The following VPS53 variants were observed in gnomAD, a reference collection of about 807,000 sequenced individuals.
VPS53 encodes VPS53 subunit of GARP complex.
In VPS53, 70 loss-of-function variants were observed where a neutral mutation model predicts 107.0. The observed-to-expected ratio is 0.65, with a 90% CI of 0.54 to 0.80. VPS53 has a LOEUF of 0.80. Ranked by LOEUF, VPS53 falls within the 30% of genes least tolerant of loss-of-function variation. The pLI, the probability that VPS53 is intolerant of heterozygous loss-of-function variation, is 0.00. For synonymous variants in VPS53, 409 were observed against 393.3 expected (o/e 1.04, Z -0.47); for missense variants, 917 against 1,049.4 (o/e 0.87, Z 1.74).
At chr17:525,805 C>T (rs539339409) in intron 19 of VPS53, among the ~76,000 whole-genome samples, 1 of 151,850 alleles carries the variant, frequency 6.6e-6, no homozygotes, top group African/African-American at 2.4e-5. Context: ...TGAGACCAGC[C>T]TGGCCAACAT....
intron 19 of VPS53, among the ~76,000 whole-genome samples, chr17:525,945 C>T (rs998154527): frequency 7.3e-5 from 10 of 136,292 alleles, no homozygotes; most frequent in Admixed American, 2.6e-4. Flanking sequence ...TGCAGTGAGC[C>T]GAGATCGCGC....
intron 14 of VPS53, among the ~76,000 whole-genome samples, chr17:561,692 C>T (rs931512915): frequency 1.3e-5 from 2 of 152,182 alleles, no homozygotes; most frequent in African/African-American, 4.8e-5. Flanking sequence ...TGCAATGGCA[C>T]AATCTCGGCT....
intron 2 of VPS53, among the ~76,000 whole-genome samples, chr17:702,960 C>T (rs1438665463): frequency 6.6e-6 from 1 of 152,218 alleles, no homozygotes; most frequent in Non-Finnish European, 1.5e-5. Context: ...AATCCCAACA[C>T]TTTGGGAGGC....
In VPS53 at chr17:623,568, G is replaced by A. The variant is rs1239855738; in HGVS notation, c.1081C>T (p.Arg361Cys). ...TCGGTCAGGGTGCAGCCGGAGAAGC[G>A]TTTTGCAAGAAACCCCTCAAAGTTA... ...TTNFEGFLAK[R>C]FSGCTLTDGT... is the part of the protein sequence containing the mutation. Residue 361 changes from arginine to cysteine, a missense_variant, in exon 11 of 22, where the codon CGC becomes TGC. Transcript: ENST00000437048. The A allele has an allele frequency of 6.8e-6, 11 of 1,613,728 alleles. No homozygotes were observed. The highest frequency in any genetic ancestry group is 8.5e-6 in the Non-Finnish European group (10 of 1,179,708).
At chr17:617,809 G>C in intron 11 of VPS53, among the ~76,000 whole-genome samples, 1 of 119,506 alleles carries the variant, frequency 8.4e-6, no homozygotes. Context: ...GCGCCACCAC[G>C]CCCCACTAAT....
At chr17:566,418 A>G (rs1327096264) in intron 13 of VPS53, among the ~76,000 whole-genome samples, 2 of 152,100 alleles carry the variant, frequency 1.3e-5, no homozygotes, top group African/African-American at 4.8e-5. Flanking sequence ...CTGTTAACAC[A>G]AGCTCCCTGA....
chr17:697,565 T>C, intron 3 of VPS53, 81 bp from the exon 4 acceptor site: 1 of 1,200,494 alleles, frequency 8.3e-7, no homozygotes. Context: ...AAAAAGTAAT[T>C]TATTCATCAA....
intron 2 of VPS53, 72 bp from the exon 3 acceptor site, chr17:699,452 G>A: frequency 3.2e-5 from 40 of 1,261,040 alleles, no homozygotes; most frequent in Non-Finnish European, 4.3e-5. Context: ...GGAAAATGAT[G>A]TGCTATAATA....
intron 8 of VPS53, 66 bp downstream of exon 8, chr17:631,483 TG>T: frequency 6.7e-7 from 1 of 1,503,090 alleles, no homozygotes; most frequent in Non-Finnish European, 9.3e-7. Flanking sequence ...ACATGGTGAC[TG>T]GGGTGAGCGT....
In VPS53 at chr17:628,204, G is replaced by A. The variant is rs1326301147; in HGVS notation, c.715C>T (p.Arg239Ter). The A allele has an allele frequency of 9.3e-6, 15 of 1,613,900 alleles. No individual in the cohort carries two copies. The highest frequency in any genetic ancestry group is 1.7e-4 in the Middle Eastern group (1 of 6,060). Reference sequence around the variant, plus strand: ...ATATTAGCAACCAGACATGCATCTCGTAGAACATTGCTGGGTCCTCCTGGT... The same window carrying A: ...ATATTAGCAACCAGACATGCATCTCATAGAACATTGCTGGGTCCTCCTGGT... ...KRPGGPSNVL[R>*]DACLVANILD... Residue 239 changes from arginine to a stop codon, truncating the protein, a stop_gained, in exon 9 of 22, where the codon CGA becomes TGA. Transcript: ENST00000437048. LOFTEE classifies it high-confidence loss of function.
chr17:661,486 A>G (rs576641938), intron 5 of VPS53, among the ~76,000 whole-genome samples: 1 of 146,262 alleles, frequency 6.8e-6, no homozygotes, highest in Admixed American at 7.2e-5. Flanking sequence ...GCACCACTGC[A>G]CTCCAAGGCT....
chr17:583,920 C>T (rs1756352177), intron 13 of VPS53, among the ~76,000 whole-genome samples: 1 of 151,670 alleles, frequency 6.6e-6, no homozygotes, highest in Non-Finnish European at 1.5e-5. Context: ...CCCAGGGAAC[C>T]TCCCTCAGAA....
At chr17:591,378 T>G (rs1410541828) in intron 12 of VPS53, among the ~76,000 whole-genome samples, 4 of 152,356 alleles carry the variant, frequency 2.6e-5, no homozygotes, top group African/African-American at 9.6e-5. Context: ...CTCTATTTCC[T>G]TCAGTTCTGC....
At chr17:619,189 G>A (rs1197089113) in intron 11 of VPS53, among the ~76,000 whole-genome samples, 1 of 144,966 alleles carries the variant, frequency 6.9e-6, no homozygotes, top group Non-Finnish European at 1.5e-5. Flanking sequence ...CACGACGCCT[G>A]CTAATATTTC....
chr17:592,769 T>C (rs562346373), intron 12 of VPS53, among the ~76,000 whole-genome samples: 2 of 152,372 alleles, frequency 1.3e-5, no homozygotes, highest in Admixed American at 6.5e-5. Context: ...GTTAGTCTGA[T>C]GGGCTTCCCT....
intron 13 of VPS53, among the ~76,000 whole-genome samples, chr17:578,198 C>G (rs1181896272): frequency 6.6e-6 from 1 of 151,808 alleles, no homozygotes; most frequent in Non-Finnish European, 1.5e-5. Context: ...CCCTCAGAAT[C>G]TAATGCATTC....
intron 11 of VPS53, among the ~76,000 whole-genome samples, chr17:603,468 C>T (rs1419899555): frequency 6.6e-6 from 1 of 152,196 alleles, no homozygotes; most frequent in Admixed American, 6.5e-5. Context: ...AAGCACTACA[C>T]CTGCGTCTGG....
intron 4 of VPS53, among the ~76,000 whole-genome samples, chr17:665,295 C>T (rs1330629681): frequency 4.0e-5 from 6 of 151,812 alleles, no homozygotes; most frequent in East Asian, 3.9e-4. Context: ...AGAAGGCGCT[C>T]GCCGCGGGAC....
intron 4 of VPS53, among the ~76,000 whole-genome samples, chr17:662,460 C>T (rs185315006): frequency 5.1e-4 from 77 of 152,018 alleles, no homozygotes; most frequent in South Asian, 8.3e-4. Flanking sequence ...GAGGCCAAGG[C>T]GGGCAGATCA....
Sources: gnomAD v4.1 joint callset for allele counts (sites outside exome capture counted in the v4.1 genomes callset) on GRCh38, gnomAD v4.1.1 for gene constraint, MANE v1.5 for transcripts, NCBI Gene and HGNC (gene_info 2026-07-23, HGNC 2026-07-21) for gene names.